Variants in PLPPR1 observed in about 807,000 individuals in gnomAD.
PLPPR1 encodes phospholipid phosphatase-related protein type 1.
PLPPR1 carries 10 observed loss-of-function variants against 33.1 expected under a neutral mutation model. That is an observed-to-expected ratio of 0.30 (90% CI 0.19 to 0.51). The LOEUF (loss-of-function observed/expected upper bound fraction) is 0.51. Among genes scored for constraint, PLPPR1 ranks in the 20% least tolerant of loss-of-function variants. The probability of loss-of-function intolerance (pLI) is 0.97; values close to 1 mark genes in which losing one functional copy is unlikely to be tolerated. For missense variants in PLPPR1, 304 were observed against 408.1 expected (o/e 0.74, Z 2.20); for synonymous variants, 151 against 151.0 (o/e 1.00, Z 0.00).
At chr9:101,094,941 C>T (rs1264163531) in intron 1 of PLPPR1, among the ~76,000 whole-genome samples, 2 of 152,168 alleles carry the variant, frequency 1.3e-5, no homozygotes, top group African/African-American at 2.4e-5. Context: ...CAAGGACCCC[C>T]ATCCTCTTCC....
Position 101,136,207 on chromosome 9 carries a change from A to G in PLPPR1, c.-45-49243A>G, listed in dbSNP as rs1588042734. On this transcript the variant is annotated intron_variant, in intron 1 of 7. Transcript: ENST00000374874. ...TAATTATCTCATCTTCTCTTTCACC[A>G]TTTATTACCAGCCCACTTCCCTCTA... Among the ~76,000 whole-genome samples, 14 of 152,236 alleles carry G rather than the reference A, an allele frequency of 9.2e-5. No individual in the cohort carries two copies. In the South Asian group the frequency reaches 2.5e-3, roughly 27 times the overall value.
intron 4 of PLPPR1, among the ~76,000 whole-genome samples, chr9:101,290,709 A>G (rs1009362268): frequency 1.3e-5 from 2 of 152,202 alleles, no homozygotes; most frequent in African/African-American, 4.8e-5. Context: ...ATAAGTTGCA[A>G]CCTCAGAAAA....
intron 1 of PLPPR1, among the ~76,000 whole-genome samples, chr9:101,070,376 T>C (rs1481186300): frequency 6.6e-6 from 1 of 152,106 alleles, no homozygotes; most frequent in Admixed American, 6.6e-5. Context: ...ACTCTTTCAG[T>C]TGGATCCTGG....
chr9:101,224,440 C>G (rs1262105384), intron 2 of PLPPR1, among the ~76,000 whole-genome samples: 1 of 152,142 alleles, frequency 6.6e-6, no homozygotes, highest in African/African-American at 2.4e-5. Flanking sequence ...TAATGATGCT[C>G]TCGGCTGCTG....
At chr9:101,071,528 T>C (rs1830481857) in intron 1 of PLPPR1, among the ~76,000 whole-genome samples, 1 of 151,804 alleles carries the variant, frequency 6.6e-6, no homozygotes, top group Middle Eastern at 3.4e-3. Context: ...ATGAGACAGG[T>C]GTGTGGATTC....
chr9:101,224,800 T>C (rs1827027982), intron 2 of PLPPR1, among the ~76,000 whole-genome samples: 2 of 152,176 alleles, frequency 1.3e-5, no homozygotes, highest in Non-Finnish European at 2.9e-5. Flanking sequence ...GGTGTGCTTA[T>C]GTGGTCCCAG....
At chr9:101,114,656 G>C (rs774748877) in intron 1 of PLPPR1, among the ~76,000 whole-genome samples, 18 of 152,198 alleles carry the variant, frequency 1.2e-4, no homozygotes, top group Non-Finnish European at 2.5e-4. Context: ...GTGTAATTAA[G>C]GTAGATCTTG....
In PLPPR1 at chr9:101,324,221, C is replaced by T. The variant is rs567130326; in HGVS notation, c.*164C>T. The T allele has an allele frequency of 5.2e-5, 25 of 483,440 alleles. No homozygotes were observed. Among genetic ancestry groups the T allele is most frequent in the African/African-American group, 4.6e-4 (20 of 43,898 alleles). The allele number at this position is 483,440 out of a possible 1,614,324, so 29.9% of individuals were successfully genotyped here. ...GTATGAGGAAGTGATGTAGCTTGCC[C>T]TGATTTTTTTTTTTTTTTTTTGGTC... On this transcript the variant is annotated 3_prime_UTR_variant, in exon 8 of 8. Coordinates refer to ENST00000374874, the MANE Select transcript of PLPPR1 (RefSeq NM_207299.2).
At chr9:101,081,791 T>C (rs1414505771) in intron 1 of PLPPR1, among the ~76,000 whole-genome samples, 2 of 152,172 alleles carry the variant, frequency 1.3e-5, no homozygotes, top group Non-Finnish European at 2.9e-5. Context: ...CTCCAGACTG[T>C]GTGGGATGTT....
intron 1 of PLPPR1, among the ~76,000 whole-genome samples, chr9:101,077,042 T>C (rs779702117): frequency 1.2e-4 from 18 of 152,210 alleles, no homozygotes; most frequent in Non-Finnish European, 2.4e-4. Flanking sequence ...TCTTGTCATA[T>C]GTCCTTGTGG....
chr9:101,207,376 G>A (rs1226189477), intron 2 of PLPPR1, among the ~76,000 whole-genome samples: 1 of 152,170 alleles, frequency 6.6e-6, no homozygotes, highest in East Asian at 1.9e-4. Flanking sequence ...TTGGAAGAAC[G>A]AAGCAAAGCT....
chr9:101,082,990 G>A (rs1830638661), intron 1 of PLPPR1, among the ~76,000 whole-genome samples: 1 of 152,096 alleles, frequency 6.6e-6, no homozygotes, highest in African/African-American at 2.4e-5. Context: ...AATATCAGAA[G>A]GGAGAAGAAG....
intron 2 of PLPPR1, among the ~76,000 whole-genome samples, chr9:101,246,084 A>C (rs1827599559): frequency 7.8e-6 from 1 of 128,732 alleles, no homozygotes; most frequent in African/African-American, 2.9e-5. Context: ...ATATATATAT[A>C]TATATATATA....
At position 101,185,892 on chromosome 9, in the gene PLPPR1, AT is replaced by A. The variant is rs556267673; in HGVS notation, c.63+342del. 2.5e-3 allele frequency among the ~76,000 whole-genome samples: 385 copies of A among 151,938 alleles called. 3 individuals carry two copies. The highest frequency in any genetic ancestry group is 9.0e-3 in the African/African-American group (372 of 41,494). On this transcript the variant is annotated intron_variant, in intron 2 of 7. Transcript: ENST00000374874. ...GAAAGAGAATGAAGCATTTTAATTA[AT>A]TTTTTTATTAAAAAATCAATATCCT...
chr9:101,212,091 G>C (rs920607647), intron 2 of PLPPR1, among the ~76,000 whole-genome samples: 8 of 151,590 alleles, frequency 5.3e-5, no homozygotes, highest in African/African-American at 1.7e-4. Flanking sequence ...TTGTTTGTTT[G>C]TTTGTTTCTG....
At chr9:101,273,636 G>A (rs141616002) in intron 3 of PLPPR1, among the ~76,000 whole-genome samples, 22 of 152,298 alleles carry the variant, frequency 1.4e-4, no homozygotes, top group African/African-American at 3.6e-4. Context: ...TGTGGATGTT[G>A]CAAGTATAAT....
intron 2 of PLPPR1, among the ~76,000 whole-genome samples, chr9:101,192,167 G>A (rs1291253552): frequency 1.3e-5 from 2 of 152,072 alleles, no homozygotes; most frequent in Admixed American, 6.6e-5. Flanking sequence ...TTTGAAAAAC[G>A]AATTTCTCTT....
At chr9:101,154,241 G>A (rs1454898225) in intron 1 of PLPPR1, among the ~76,000 whole-genome samples, 1 of 152,170 alleles carries the variant, frequency 6.6e-6, no homozygotes, top group Non-Finnish European at 1.5e-5. Flanking sequence ...AGTTAGGGAG[G>A]ATTCCCTCTT....
At chr9:101,261,955 A>G (rs571015587) in intron 2 of PLPPR1, among the ~76,000 whole-genome samples, 18 of 152,224 alleles carry the variant, frequency 1.2e-4, no homozygotes, top group South Asian at 4.1e-4. Flanking sequence ...AAACCCGTAC[A>G]TCCTGCACAT....
Sources: gnomAD v4.1 joint callset for allele counts (sites outside exome capture counted in the v4.1 genomes callset) on GRCh38, gnomAD v4.1.1 for gene constraint, MANE v1.5 for transcripts, NCBI Gene and HGNC (gene_info 2026-07-23, HGNC 2026-07-21) for gene names.